The following CNTLN variants were observed in gnomAD, a reference collection of about 807,000 sequenced individuals.
The protein encoded by CNTLN is centlein, also known as centlein, centrosomal protein.
A neutral mutation model predicts 180.0 loss-of-function variants in CNTLN; 212 were observed. The ratio of observed to expected loss-of-function variants is 1.18; its 90% CI spans 1.05 to 1.32. CNTLN has a LOEUF of 1.32. CNTLN is among the 40% of genes most tolerant of loss of function. The probability of loss-of-function intolerance (pLI) is 0.00; values close to 1 mark genes in which losing one functional copy is unlikely to be tolerated. For synonymous variants in CNTLN, 722 were observed against 563.1 expected, an observed-to-expected ratio of 1.28 and a Z score of -3.99; for missense variants, 2,095 against 1,610.9, an observed-to-expected ratio of 1.30 and a Z score of -5.14.
At chr9:17,349,106 C>T (rs1039486074) in intron 12 of CNTLN, among the ~76,000 whole-genome samples, 1 of 152,162 alleles carries the variant, frequency 6.6e-6, no homozygotes, top group African/African-American at 2.4e-5. Flanking sequence ...TGAGTCACTT[C>T]TCTAATGTTG....
chr9:17,367,345 G>A (rs921408463), intron 13 of CNTLN, among the ~76,000 whole-genome samples: 4 of 152,168 alleles, frequency 2.6e-5, no homozygotes, highest in African/African-American at 7.2e-5. Context: ...CCAGTGGTTG[G>A]AACCTGAGTT....
At chr9:17,229,180 A>T (rs1184717723) in intron 3 of CNTLN, among the ~76,000 whole-genome samples, 1 of 151,968 alleles carries the variant, frequency 6.6e-6, no homozygotes, top group Non-Finnish European at 1.5e-5. Flanking sequence ...GCAATATCTC[A>T]TGAATTGAGA....
At chr9:17,266,011 T>C (rs1209914944) in intron 5 of CNTLN, among the ~76,000 whole-genome samples, 1 of 152,194 alleles carries the variant, frequency 6.6e-6, no homozygotes, top group Non-Finnish European at 1.5e-5. Flanking sequence ...ATTAATTTTT[T>C]GAAGGGCTTT....
At chr9:17,334,325 G>C (rs1820845559) in intron 10 of CNTLN, among the ~76,000 whole-genome samples, 1 of 152,050 alleles carries the variant, frequency 6.6e-6, no homozygotes, top group Non-Finnish European at 1.5e-5. Context: ...CTCCCAAAGT[G>C]CTGGGATTAC....
intron 18 of CNTLN, among the ~76,000 whole-genome samples, chr9:17,429,222 C>G (rs1829268144): frequency 6.6e-6 from 1 of 152,022 alleles, no homozygotes; most frequent in Non-Finnish European, 1.5e-5. Flanking sequence ...TTTATCTGAG[C>G]TTGTCTTATC....
rs138924975 is a variant in CNTLN, at chr9:17,438,102, G to A, written c.3115-19422G>A. Among the ~76,000 whole-genome samples, 1,028 of 152,194 alleles carry A rather than the reference G, an allele frequency of 6.8e-3. 5 individuals are homozygous for A. Among genetic ancestry groups the A allele is most frequent in the Non-Finnish European group, 9.2e-3 (624 of 67,990 alleles). On this transcript the variant is annotated intron_variant, in intron 18 of 25. Transcript: ENST00000380647. ...TTATTATTCTCACCTAGGGAACTTTGAAAAATACTTGTGCCAAGGCCTGAC... is the reference window on the plus strand; with the variant it reads ...TTATTATTCTCACCTAGGGAACTTTAAAAAATACTTGTGCCAAGGCCTGAC...
At position 17,425,014 on chromosome 9, in the gene CNTLN, T is replaced by C. The variant is rs1828982949; in HGVS notation, c.3114+8825T>C. Reference sequence around the variant, plus strand: ...GAAATTTTTGTGGAGTTATACATGCTGTTTAGTGTATCTTCTAAAAAGCTC... The same window carrying C: ...GAAATTTTTGTGGAGTTATACATGCCGTTTAGTGTATCTTCTAAAAAGCTC... On this transcript the variant is annotated intron_variant, in intron 18 of 25. Coordinates refer to ENST00000380647, the MANE Select transcript of CNTLN (RefSeq NM_017738.4). Among the ~76,000 whole-genome samples the C allele has an allele frequency of 2.6e-5, 4 of 152,336 alleles. No homozygotes were observed. The Middle Eastern group carries it at 0.014, about 518-fold the overall frequency.
chr9:17,305,852 A>T (rs755232625), intron 7 of CNTLN, among the ~76,000 whole-genome samples: 20 of 152,198 alleles, frequency 1.3e-4, no homozygotes, highest in Non-Finnish European at 2.1e-4. Flanking sequence ...CAACAAAGAA[A>T]ACAGGCAAGT....
rs570872135 is a variant in CNTLN at position 17,262,024 on chromosome 9, G to A, written c.850-11709G>A. 5.9e-5 allele frequency among the ~76,000 whole-genome samples: 9 copies of A among 151,664 alleles called. 1 individual carries two copies. The East Asian group carries it at 1.7e-3, about 29-fold the overall frequency. Reference sequence around the variant, plus strand: ...GAAATGCATATCAAAACCACTATGAGATACCATCTCACGCCAGTTAGAACA... The same window carrying A: ...GAAATGCATATCAAAACCACTATGAAATACCATCTCACGCCAGTTAGAACA... On this transcript the variant is annotated intron_variant, in intron 5 of 25. Transcript: ENST00000380647.
chr9:17,166,152 A>G (rs556015962), intron 2 of CNTLN, among the ~76,000 whole-genome samples: 3 of 152,186 alleles, frequency 2.0e-5, no homozygotes, highest in Non-Finnish European at 2.9e-5. Context: ...CCTATGATTA[A>G]TATTGTAAGA....
chr9:17,369,631 C>T (rs1432284854), intron 13 of CNTLN, among the ~76,000 whole-genome samples: 1 of 151,118 alleles, frequency 6.6e-6, no homozygotes, highest in Non-Finnish European at 1.5e-5. Context: ...CTGGAGTCCC[C>T]TCATAGCAGA....
chr9:17,210,851 T>G (rs976290390), intron 2 of CNTLN, among the ~76,000 whole-genome samples: 2 of 152,250 alleles, frequency 1.3e-5, no homozygotes, highest in Admixed American at 6.5e-5. Flanking sequence ...CATAAATGTC[T>G]TCTTTTGAGA....
chr9:17,345,737 G>C (rs745544881), intron 12 of CNTLN, among the ~76,000 whole-genome samples: 1 of 151,966 alleles, frequency 6.6e-6, no homozygotes, highest in African/African-American at 2.4e-5. Flanking sequence ...AGATGTGATA[G>C]GTTTTGCTTC....
At chr9:17,156,375 C>A (rs914582860) in intron 2 of CNTLN, among the ~76,000 whole-genome samples, 1 of 151,860 alleles carries the variant, frequency 6.6e-6, no homozygotes, top group East Asian at 1.9e-4. Context: ...ATATCTAGTC[C>A]GTTTTCACAT....
intron 15 of CNTLN, among the ~76,000 whole-genome samples, chr9:17,399,110 C>G (rs1826765972): frequency 6.6e-6 from 1 of 152,178 alleles, no homozygotes; most frequent in East Asian, 1.9e-4. Flanking sequence ...TTTCTTTTCC[C>G]TTATCACTTC....
chr9:17,359,648 G>A (rs1301091513), intron 12 of CNTLN, among the ~76,000 whole-genome samples: 3 of 147,356 alleles, frequency 2.0e-5, no homozygotes, highest in Non-Finnish European at 3.0e-5. Flanking sequence ...TTGGGAGGCC[G>A]AGTCGGGTGG....
chr9:17,467,790 G>C (rs1016278651), intron 23 of CNTLN, among the ~76,000 whole-genome samples: 1 of 151,616 alleles, frequency 6.6e-6, no homozygotes, highest in South Asian at 2.1e-4. Flanking sequence ...TACCCTGCTG[G>C]TGGGAATGTA....
chr9:17,369,871 C>T (rs1824157001), intron 13 of CNTLN, among the ~76,000 whole-genome samples: 1 of 151,500 alleles, frequency 6.6e-6, no homozygotes, highest in African/African-American at 2.4e-5. Flanking sequence ...CCGGTGATCC[C>T]AGCTACTTGG....
At chr9:17,332,777 A>G (rs767142684) in intron 10 of CNTLN, 47 bp downstream of exon 10, 5 of 1,478,408 alleles carry the variant, frequency 3.4e-6, no homozygotes, top group Non-Finnish European at 4.5e-6. Flanking sequence ...AAAGATAAAA[A>G]TATACCAAAG....
Sources: gnomAD v4.1 joint callset for allele counts (sites outside exome capture counted in the v4.1 genomes callset) on GRCh38, gnomAD v4.1.1 for gene constraint, MANE v1.5 for transcripts, NCBI Gene and HGNC (gene_info 2026-07-23, HGNC 2026-07-21) for gene names.